Variants in ETS1 observed in about 807,000 individuals in gnomAD.
ETS1 encodes ETS proto-oncogene 1, transcription factor.
A neutral mutation model predicts 58.6 loss-of-function variants in ETS1; 15 were observed. The ratio of observed to expected loss-of-function variants is 0.26; its 90% confidence interval spans 0.17 to 0.39. ETS1 has a LOEUF of 0.39. Ranked by LOEUF, ETS1 falls within the 10% of genes least tolerant of loss-of-function variation. The probability of loss-of-function intolerance (pLI) is 1.00; values close to 1 mark genes in which losing one functional copy is unlikely to be tolerated. For missense variants in ETS1, 417 were observed against 610.5 expected, an observed-to-expected ratio of 0.68 and a Z score of 3.34; for synonymous variants, 214 against 218.2, an observed-to-expected ratio of 0.98 and a Z score of 0.17.
At chr11:128,536,355 A>G (rs1218128180) in intron 3 of ETS1, 1 of 152,246 alleles carries the variant, frequency 6.6e-6, no homozygotes, top group East Asian at 1.9e-4. Flanking sequence ...TGGTTGAAAA[A>G]GAAGAATGAT....
At chr11:128,552,571 C>T (rs1306194247) in intron 3 of ETS1, among the ~76,000 whole-genome samples, 2 of 152,182 alleles carry the variant, frequency 1.3e-5, no homozygotes, top group Non-Finnish European at 2.9e-5. Flanking sequence ...CAGACAAATC[C>T]ATCCTTGAAA....
intron 1 of ETS1, among the ~76,000 whole-genome samples, chr11:128,576,626 G>C (rs1028913459): frequency 3.9e-5 from 6 of 152,134 alleles, no homozygotes; most frequent in Non-Finnish European, 5.9e-5. Flanking sequence ...CTGAGCCGCA[G>C]GATAAGTGGG....
At chr11:128,501,655 C>A (rs1444671057) in intron 3 of ETS1, among the ~76,000 whole-genome samples, 1 of 152,186 alleles carries the variant, frequency 6.6e-6, no homozygotes, top group Non-Finnish European at 1.5e-5. Flanking sequence ...AAGTACTGAT[C>A]CCCATAACAT....
At position 128,480,288 on chromosome 11, in the gene ETS1, G is replaced by C. The variant is rs1862446157; in HGVS notation, c.1026C>G (p.His342Gln). The C allele has an allele frequency of 5.0e-6, 8 of 1,614,180 alleles. No individual in the cohort carries two copies. Among genetic ancestry groups the C allele is most frequent in the Non-Finnish European group, 6.8e-6 (8 of 1,180,032 alleles). The change falls in exon 8 of 10, where the codon CAC becomes CAG. Residue 342 changes from histidine to glutamine, a missense_variant. Coordinates refer to ENST00000392668, the MANE Select transcript of ETS1 (RefSeq NM_001143820.2). ...AGTCCTTGAAGGTGCCCTTGGGCTT[G>C]TGGTTGGGCAGGGCAGCCGGATAGT... ...SEDYPAALPN[H>Q]KPKGTFKDYV...
intron 3 of ETS1, among the ~76,000 whole-genome samples, chr11:128,534,691 C>T (rs1416156174): frequency 6.6e-6 from 1 of 152,160 alleles, no homozygotes; most frequent in Non-Finnish European, 1.5e-5. Flanking sequence ...GTTTTCTGTT[C>T]CTGTGTTAGT....
At chr11:128,562,113 G>A (rs187929556) in intron 2 of ETS1, among the ~76,000 whole-genome samples, 1 of 152,154 alleles carries the variant, frequency 6.6e-6, no homozygotes, top group African/African-American at 2.4e-5. Context: ...TAAGAAAAGG[G>A]TGGTCTTGGC....
In ETS1 at chr11:128,573,094, C is replaced by G. The variant is rs531623285; in HGVS notation, c.37G>C (p.Val13Leu). Residue 13 changes from valine (V) to leucine (L), a missense_variant, in exon 2 of 10, where the codon GTC becomes CTC. Physicochemically the swap from Val to Leu is conservative, Grantham distance 32. This residue lies in a region of ETS1 where 90 missense variants were observed against 90.3 expected (regional missense o/e 1.00). Transcript: ENST00000392668. Reference sequence around the variant, plus strand: ...GCAGGACGAGGCGCTGAGTAAGGGACGGGGCTGCTCCCAGCAGAATCCACA... The same window carrying G: ...GCAGGACGAGGCGCTGAGTAAGGGAGGGGGCTGCTCCCAGCAGAATCCACA... ...YFVDSAGSSP[V>L]PYSAPRPAVV... 1.7e-5 allele frequency: 28 copies of G among 1,602,836 alleles called. No individual in the cohort carries two copies. The East Asian group carries it at 4.3e-4, about 24-fold the overall frequency.
chr11:128,584,457 TG>T (rs1181219810), intron 1 of ETS1, among the ~76,000 whole-genome samples: 1 of 152,112 alleles, frequency 6.6e-6, no homozygotes, highest in Non-Finnish European at 1.5e-5. Flanking sequence ...ACCTGGTAAA[TG>T]GGGATGACGA....
chr11:128,521,854 A>C lies in ETS1; in HGVS notation c.215-31278T>G. On this transcript the variant is annotated intron_variant, in intron 3 of 9. Coordinates refer to ENST00000392668, the MANE Select transcript of ETS1 (RefSeq NM_001143820.2). ...GAACGGCGAAAGGGGGAAGAAGTCC[A>C]GGGGACCCCCGGCCTCTGGCCGAGA... The C allele has an allele frequency of 2.1e-6, 3 of 1,449,182 alleles. No homozygotes were observed. In the South Asian group the frequency reaches 3.7e-5, roughly 18 times the overall value. 89.8% of individuals were successfully genotyped at this position (1,449,182 alleles called of 1,614,324 possible).
intron 8 of ETS1, among the ~76,000 whole-genome samples, chr11:128,478,417 G>A (rs1170113804): frequency 7.7e-6 from 1 of 130,480 alleles, no homozygotes; most frequent in East Asian, 2.2e-4. Flanking sequence ...GGGAGGGGAA[G>A]GAAAGAAGGA....
At chr11:128,487,833 C>A (rs1321633708) in intron 5 of ETS1, among the ~76,000 whole-genome samples, 2 of 152,058 alleles carry the variant, frequency 1.3e-5, no homozygotes, top group Admixed American at 6.5e-5. Context: ...ATCGCCTACC[C>A]TGAGCTTCAT....
intron 3 of ETS1, among the ~76,000 whole-genome samples, chr11:128,493,569 A>C (rs1312796200): frequency 2.0e-5 from 3 of 152,248 alleles, no homozygotes; most frequent in Non-Finnish European, 4.4e-5. Flanking sequence ...AGCTGGGGGA[A>C]ACCATCCCTG....
At chr11:128,585,618 C>A (rs1299033489) in intron 1 of ETS1, among the ~76,000 whole-genome samples, 1 of 152,202 alleles carries the variant, frequency 6.6e-6, no homozygotes, top group Non-Finnish European at 1.5e-5. Context: ...AGAGGACCTG[C>A]ACCCACACAC....
At chr11:128,579,463 A>G (rs897900519) in intron 1 of ETS1, among the ~76,000 whole-genome samples, 1 of 152,104 alleles carries the variant, frequency 6.6e-6, no homozygotes, top group African/African-American at 2.4e-5. Context: ...GGAGTTCAAG[A>G]GCAGCCTGAC....
At chr11:128,522,131 T>G in intron 3 of ETS1, 2 of 1,310,198 alleles carry the variant, frequency 1.5e-6, no homozygotes, top group East Asian at 3.2e-5. Flanking sequence ...AAATTCCCGC[T>G]GCCTTTCTTT....
Position 128,483,026 on chromosome 11 carries a change from C to T in ETS1, c.862+1797G>A, listed in dbSNP as rs57846920. Reference sequence around the variant, plus strand: ...AACAATCAGCTAACAGTAATGCTTTCGGTCTAGACCAATCACAGCATCTCA... The same window carrying T: ...AACAATCAGCTAACAGTAATGCTTTTGGTCTAGACCAATCACAGCATCTCA... On this transcript the variant is annotated intron_variant, in intron 7 of 9. Transcript: ENST00000392668. Among the ~76,000 whole-genome samples the T allele has an allele frequency of 2.5e-3, 374 of 152,330 alleles. 2 individuals carry two copies. The highest frequency in any genetic ancestry group is 0.018 in the East Asian group (92 of 5,190).
At chr11:128,579,792 T>C (rs1864827945) in intron 1 of ETS1, among the ~76,000 whole-genome samples, 1 of 151,964 alleles carries the variant, frequency 6.6e-6, no homozygotes, top group African/African-American at 2.4e-5. Context: ...TAATCTACAA[T>C]GTATAGAGTT....
chr11:128,484,368 T>G (rs1035947727), intron 7 of ETS1, among the ~76,000 whole-genome samples: 1 of 152,116 alleles, frequency 6.6e-6, no homozygotes, highest in Non-Finnish European at 1.5e-5. Context: ...CAGAGGTCAT[T>G]CCAGGTACCC....
intron 1 of ETS1, among the ~76,000 whole-genome samples, chr11:128,582,177 G>T (rs1864887943): frequency 6.6e-6 from 1 of 152,172 alleles, no homozygotes; most frequent in Admixed American, 6.5e-5. Flanking sequence ...TGAGTCCTAA[G>T]AGGTTACGTG....
Sources: allele counts gnomAD v4.1 joint callset (sites outside exome capture counted in the v4.1 genomes callset), GRCh38; gene constraint gnomAD v4.1.1; regional missense constraint gnomAD v4.1.1; transcripts MANE v1.5; gene names NCBI Gene and HGNC (gene_info 2026-07-23, HGNC 2026-07-21).